Variants in PPP1R3A observed in about 807,000 individuals in gnomAD.
PPP1R3A encodes the protein protein phosphatase 1 regulatory subunit 3A.
PPP1R3A carries 29 observed loss-of-function variants against 41.7 expected under a neutral mutation model. That is an observed-to-expected ratio of 0.70 (90% confidence interval 0.52 to 0.95). The LOEUF is 0.95. Among genes scored for constraint, PPP1R3A ranks in the 40% least tolerant of loss-of-function variants. The pLI, the probability that PPP1R3A is intolerant of heterozygous loss-of-function variation, is 0.00. For missense variants in PPP1R3A, 1,352 were observed against 1,292.4 expected (o/e 1.05, Z -0.71); for synonymous variants, 485 against 453.4 (o/e 1.07, Z -0.89).
intron 1 of PPP1R3A, among the ~76,000 whole-genome samples, chr7:113,908,792 T>C (rs1487800298): frequency 6.6e-6 from 1 of 151,878 alleles, no homozygotes; most frequent in Non-Finnish European, 1.5e-5. Context: ...ATATACACTA[T>C]GGAATACTAT....
Position 113,879,455 on chromosome 7 carries a change from C to T in PPP1R3A, c.1637G>A (p.Gly546Asp), listed in dbSNP as rs1796642442. 2 of 1,613,356 alleles carry T rather than the reference C, an allele frequency of 1.2e-6. No individual in the cohort carries two copies. The highest frequency in any genetic ancestry group is 1.7e-5 in the Admixed American group (1 of 59,832). Residue 546 changes from glycine (G) to aspartate (D), a missense_variant, in exon 4 of 4, where the codon GGT becomes GAT. Coordinates refer to ENST00000284601, the MANE Select transcript of PPP1R3A (RefSeq NM_002711.4). Reference sequence around the variant, plus strand: ...CCCTGCCACACTTATTTTAGGGTTACCCATCTTCCTTTCTTGGTCATGTAA... The same window carrying T: ...CCCTGCCACACTTATTTTAGGGTTATCCATCTTCCTTTCTTGGTCATGTAA... ...TILHDQERKM[G>D]NPKISVAGIG...
chr7:113,902,070 T>TA (rs1797070669), intron 1 of PPP1R3A, among the ~76,000 whole-genome samples: 1 of 151,886 alleles, frequency 6.6e-6, no homozygotes, highest in Admixed American at 6.6e-5. Context: ...TCCTTATCTT[T>TA]TTCTTGGTCT....
At chr7:113,884,396 T>G (rs1456278617) in intron 1 of PPP1R3A, among the ~76,000 whole-genome samples, 1 of 152,042 alleles carries the variant, frequency 6.6e-6, no homozygotes, top group African/African-American at 2.4e-5. Flanking sequence ...AAGATAGTGT[T>G]ATATTGGTAC....
chr7:113,889,374 A>C (rs1188183619), intron 1 of PPP1R3A, among the ~76,000 whole-genome samples: 2 of 152,188 alleles, frequency 1.3e-5, no homozygotes, highest in Non-Finnish European at 1.5e-5. Context: ...TGGAGATCTA[A>C]AAGGATGGAA....
At chr7:113,905,406 A>G (rs925874756) in intron 1 of PPP1R3A, among the ~76,000 whole-genome samples, 2 of 151,810 alleles carry the variant, frequency 1.3e-5, no homozygotes, top group African/African-American at 4.8e-5. Flanking sequence ...CATTGCTTAA[A>G]GTTTACAAAA....
Position 113,915,305 on chromosome 7 carries a change from A to T in PPP1R3A, c.782+2910T>A, listed in dbSNP as rs571941804. Among the ~76,000 whole-genome samples the T allele has an allele frequency of 3.5e-4, 53 of 152,086 alleles. No homozygotes were observed. The South Asian group carries it at 0.011, about 31-fold the overall frequency. On this transcript the variant is annotated intron_variant, in intron 1 of 3. Coordinates refer to ENST00000284601, the MANE Select transcript of PPP1R3A (RefSeq NM_002711.4). ...GATTGACTTAACAGAAATCCTACCTAAATGTATTTCCACATTCATTCATTC... is the reference window on the plus strand; with the variant it reads ...GATTGACTTAACAGAAATCCTACCTTAATGTATTTCCACATTCATTCATTC...
intron 1 of PPP1R3A, among the ~76,000 whole-genome samples, chr7:113,907,181 C>A (rs186582538): frequency 5.9e-5 from 9 of 151,596 alleles, no homozygotes; most frequent in African/African-American, 2.2e-4. Flanking sequence ...TTGTTAAACC[C>A]CATAATGTAT....
At chr7:113,886,579 G>T (rs1265321688) in intron 1 of PPP1R3A, among the ~76,000 whole-genome samples, 2 of 152,070 alleles carry the variant, frequency 1.3e-5, no homozygotes, top group South Asian at 4.2e-4. Flanking sequence ...GTCAAATTAG[G>T]GAGAAGGAAT....
intron 1 of PPP1R3A, among the ~76,000 whole-genome samples, chr7:113,904,470 A>G (rs1478793346): frequency 6.6e-6 from 1 of 151,812 alleles, no homozygotes; most frequent in Admixed American, 6.6e-5. Flanking sequence ...ATTGATGAAG[A>G]ACAAGCTAAC....
intron 3 of PPP1R3A, 38 bp downstream of exon 3, chr7:113,882,001 T>C: frequency 6.2e-7 from 1 of 1,609,168 alleles, no homozygotes; most frequent in Non-Finnish European, 8.5e-7. Context: ...CAGAAATGGA[T>C]TCATCTTCTC....
rs62490670 is a variant in PPP1R3A, at chr7:113,877,748, T to A, written c.3344A>T (p.Gln1115Leu). The A allele has an allele frequency of 1.2e-5, 19 of 1,565,580 alleles. No individual in the cohort carries two copies. Among genetic ancestry groups the A allele is most frequent in the Non-Finnish European group, 1.6e-5 (19 of 1,159,018 alleles). ...TTACTTCTTTTTGACAGACTCTTTTTGTCTACCCTCTTCCCAGGATAGCCA... is the reference window on the plus strand; with the variant it reads ...TTACTTCTTTTTGACAGACTCTTTTAGTCTACCCTCTTCCCAGGATAGCCA... ...LSWLSWEEGR[Q>L]KESVKKK The change falls in exon 4 of 4, where the codon CAA becomes CTA. Residue 1115 changes from glutamine (Q) to leucine (L), a missense_variant. Coordinates refer to ENST00000284601, the MANE Select transcript of PPP1R3A (RefSeq NM_002711.4).
intron 1 of PPP1R3A, among the ~76,000 whole-genome samples, chr7:113,904,170 CTATGTAAAA>C (rs1201466100): frequency 6.6e-6 from 1 of 151,634 alleles, no homozygotes; most frequent in Non-Finnish European, 1.5e-5. Flanking sequence ...TAAAAGAGTT[CTATGTAAAA>C]TAGGGACTGT....
At chr7:113,891,979 A>G (rs544910323) in intron 1 of PPP1R3A, among the ~76,000 whole-genome samples, 1 of 152,184 alleles carries the variant, frequency 6.6e-6, no homozygotes, top group East Asian at 1.9e-4. Flanking sequence ...TGTTGGCATG[A>G]AAAGGGATCA....
intron 1 of PPP1R3A, among the ~76,000 whole-genome samples, chr7:113,887,483 A>G (rs1028826372): frequency 1.3e-5 from 2 of 152,130 alleles, no homozygotes; most frequent in African/African-American, 4.8e-5. Context: ...ATGGAAATAG[A>G]CATATCAATA....
At chr7:113,896,082 T>C (rs1022553265) in intron 1 of PPP1R3A, among the ~76,000 whole-genome samples, 5 of 148,132 alleles carry the variant, frequency 3.4e-5, no homozygotes, top group African/African-American at 1.2e-4. Flanking sequence ...CCAGGGACTA[T>C]CAGTCTATTG....
At chr7:113,910,993 C>A (rs1797235194) in intron 1 of PPP1R3A, among the ~76,000 whole-genome samples, 1 of 152,012 alleles carries the variant, frequency 6.6e-6, no homozygotes, top group Non-Finnish European at 1.5e-5. Flanking sequence ...ATAAGACAAC[C>A]ATTACCTTAC....
intron 1 of PPP1R3A, among the ~76,000 whole-genome samples, chr7:113,904,803 TC>T (rs1797119134): frequency 6.6e-6 from 1 of 151,798 alleles, no homozygotes; most frequent in African/African-American, 2.4e-5. Flanking sequence ...AAAAACAGTA[TC>T]CCTCCATATT....
intron 1 of PPP1R3A, among the ~76,000 whole-genome samples, chr7:113,906,062 A>G (rs545109273): frequency 6.6e-6 from 1 of 151,910 alleles, no homozygotes; most frequent in Admixed American, 6.6e-5. Flanking sequence ...AGTCATAGAA[A>G]AGAAGAAGGT....
chr7:113,891,794 T>C (rs1796893846), intron 1 of PPP1R3A, among the ~76,000 whole-genome samples: 1 of 152,060 alleles, frequency 6.6e-6, no homozygotes, highest in Non-Finnish European at 1.5e-5. Context: ...CCAAAGGTCC[T>C]ATAATGCCAT....
Sources: gnomAD v4.1 joint callset for allele counts (sites outside exome capture counted in the v4.1 genomes callset) on GRCh38, gnomAD v4.1.1 for gene constraint, MANE v1.5 for transcripts, NCBI Gene and HGNC (gene_info 2026-07-23, HGNC 2026-07-21) for gene names.